Variants in DSTN observed in about 807,000 individuals in gnomAD.
DSTN encodes the protein destrin, actin depolymerizing factor, also known as destrin.
A neutral mutation model predicts 16.8 loss-of-function variants in DSTN; 10 were observed. That is an observed-to-expected ratio of 0.60 (90% CI 0.37 to 1.01). DSTN has a LOEUF of 1.01. Ranked by LOEUF, DSTN falls within the 50% of genes least tolerant of loss-of-function variation. The pLI is 0.01. For synonymous variants in DSTN, 57 were observed against 58.9 expected (o/e 0.97, Z 0.14); for missense variants, 141 against 196.7 (o/e 0.72, Z 1.69).
chr20:17,607,071 A>G lies in DSTN; in HGVS notation c.423A>G (p.Glu141=). 1.2e-6 allele frequency: 2 copies of G among 1,613,952 alleles called. No individual in the cohort carries two copies. The highest frequency in any genetic ancestry group is 1.3e-5 in the African/African-American group (1 of 75,060). The change falls in exon 4 of 4, where the codon GAA becomes GAG. Residue 141 remains glutamate (E), a synonymous_variant. Transcript: ENST00000246069. ...IKHECQANGP[E]DLNRACIAEK... is the part of the protein sequence containing the mutation. ...ATGAATGTCAAGCAAATGGACCAGA[A>G]GATCTCAATCGGGCTTGTATTGCTG...
chr20:17,574,575 CTA>C (rs2035246356), intron 1 of DSTN, among the ~76,000 whole-genome samples: 1 of 151,796 alleles, frequency 6.6e-6, no homozygotes, highest in South Asian at 2.1e-4. Context: ...AATTAAAAGT[CTA>C]TAGCTGGGCG....
chr20:17,582,164 C>T (rs1449452903), intron 1 of DSTN, among the ~76,000 whole-genome samples: 6 of 150,984 alleles, frequency 4.0e-5, no homozygotes, highest in South Asian at 2.1e-4. Context: ...CTGCAACCTC[C>T]GCCTCCTAGG....
intron 1 of DSTN, among the ~76,000 whole-genome samples, chr20:17,577,143 T>G (rs1442568711): frequency 6.6e-6 from 1 of 152,244 alleles, no homozygotes; most frequent in Non-Finnish European, 1.5e-5. Flanking sequence ...TTGGGTCCTA[T>G]TCCCAAGCTA....
chr20:17,591,688 G>A (rs2035471150), intron 1 of DSTN, among the ~76,000 whole-genome samples: 1 of 152,194 alleles, frequency 6.6e-6, no homozygotes. Context: ...GGTGATTCCT[G>A]TGCACATTAG....
intron 1 of DSTN, among the ~76,000 whole-genome samples, chr20:17,573,835 C>T (rs962208819): frequency 1.3e-5 from 2 of 150,826 alleles, no homozygotes; most frequent in African/African-American, 4.9e-5. Context: ...CCTGGCCATT[C>T]TGTAAATACT....
chr20:17,607,087 T>C lies in DSTN; in HGVS notation c.439T>C (p.Cys147Arg). 6.2e-7 allele frequency: 1 copy of C among 1,613,536 alleles called. No individual in the cohort carries two copies. Among genetic ancestry groups the C allele is most frequent in the Non-Finnish European group, 8.5e-7 (1 of 1,180,006 alleles). Residue 147 changes from cysteine (C) to arginine (R), a missense_variant, in exon 4 of 4, where the codon TGT (cysteine) becomes CGT (arginine). By Grantham distance (180) the Cys-to-Arg change is radical. Coordinates refer to ENST00000246069, the MANE Select transcript of DSTN (RefSeq NM_006870.4). The stretch of plus-strand genomic sequence containing the variant: ...TGGACCAGAAGATCTCAATCGGGCT[T>C]GTATTGCTGAAAAGTTAGGTGGATC... Reference protein sequence around the residue: ...ANGPEDLNRACIAEKLGGSLI... With the variant: ...ANGPEDLNRARIAEKLGGSLI...
intron 1 of DSTN, among the ~76,000 whole-genome samples, chr20:17,581,244 G>T (rs2035340409): frequency 1.3e-5 from 2 of 152,172 alleles, no homozygotes; most frequent in Admixed American, 6.5e-5. Context: ...GCTTTGGGAG[G>T]CCGAGGTGAG....
intron 2 of DSTN, among the ~76,000 whole-genome samples, chr20:17,603,388 A>G (rs551440757): frequency 2.6e-5 from 4 of 152,170 alleles, no homozygotes; most frequent in Non-Finnish European, 1.5e-5. Flanking sequence ...ATTTCTTTCA[A>G]TGTAGTTTTG....
chr20:17,603,036 A>T lies in DSTN; in HGVS notation c.312-1519A>T, dbSNP rs372152337. Among the ~76,000 whole-genome samples, 5 of 152,300 alleles carry T rather than the reference A, an allele frequency of 3.3e-5. No homozygotes were observed. The East Asian group carries it at 5.8e-4, about 18-fold the overall frequency. ...CTCCGCCTCAAAAAAATAAAAAATA[A>T]AAAGTACCCACCCTGTAGCTCAAAC... is the stretch of plus-strand genomic sequence containing the variant. On this transcript the variant is annotated intron_variant, in intron 2 of 3. Coordinates refer to ENST00000246069, the MANE Select transcript of DSTN (RefSeq NM_006870.4).
chr20:17,588,457 G>A (rs543214588), intron 1 of DSTN, among the ~76,000 whole-genome samples: 1 of 152,212 alleles, frequency 6.6e-6, no homozygotes, highest in Admixed American at 6.5e-5. Flanking sequence ...CCTTAACCTT[G>A]GCAAAATAAA....
At chr20:17,606,122 A>G (rs961510797) in intron 3 of DSTN, among the ~76,000 whole-genome samples, 1 of 152,026 alleles carries the variant, frequency 6.6e-6, no homozygotes, top group Non-Finnish European at 1.5e-5. Flanking sequence ...AAAAAAAAAA[A>G]GATAGTGACC....
chr20:17,575,434 C>T (rs1463684946), intron 1 of DSTN, among the ~76,000 whole-genome samples: 5 of 151,652 alleles, frequency 3.3e-5, no homozygotes, highest in Admixed American at 2.0e-4. Context: ...AACCACAGAG[C>T]ATAATAAATA....
chr20:17,574,725 CA>C (rs775060379), intron 1 of DSTN, among the ~76,000 whole-genome samples: 5,250 of 52,738 alleles, frequency 0.1, 81 homozygotes, highest in East Asian at 0.18. Flanking sequence ...GACTCAGTCT[CA>C]AAAAAAAAAA....
intron 1 of DSTN, 120 bp downstream of exon 1, chr20:17,570,331 C>T (rs2035183579): frequency 7.7e-7 from 1 of 1,294,242 alleles, no homozygotes; most frequent in Non-Finnish European, 1.0e-6. Context: ...GGACCCGGTC[C>T]GGCTGCAGTG....
intron 1 of DSTN, among the ~76,000 whole-genome samples, chr20:17,581,061 G>C (rs191193975): frequency 1.3e-5 from 2 of 152,332 alleles, no homozygotes; most frequent in Non-Finnish European, 2.9e-5. Flanking sequence ...ATTTTATTCT[G>C]ATGACACCAG....
chr20:17,570,240 C>T (rs1262417302), intron 1 of DSTN, 29 bp downstream of exon 1: 2 of 1,490,892 alleles, frequency 1.3e-6, no homozygotes, highest in African/African-American at 1.4e-5. Context: ...GAGGCGTGGG[C>T]CGAGGCGGCC....
At chr20:17,601,169 T>G in intron 2 of DSTN, 124 bp downstream of exon 2, 1 of 1,250,680 alleles carries the variant, frequency 8.0e-7, no homozygotes, top group East Asian at 2.6e-5. Context: ...TAATTTTTAT[T>G]TACAGGTTTC....
chr20:17,571,128 C>A (rs1251372750), intron 1 of DSTN, among the ~76,000 whole-genome samples: 1 of 152,336 alleles, frequency 6.6e-6, no homozygotes, highest in South Asian at 2.1e-4. Flanking sequence ...TTTACACTGT[C>A]ACTCTAATTA....
chr20:17,588,926 T>C (rs1222434765), intron 1 of DSTN, among the ~76,000 whole-genome samples: 2 of 152,134 alleles, frequency 1.3e-5, no homozygotes, highest in African/African-American at 2.4e-5. Flanking sequence ...CATTTACATA[T>C]GGTCACCTGT....
Sources: allele counts gnomAD v4.1 joint callset (sites outside exome capture counted in the v4.1 genomes callset), GRCh38; gene constraint gnomAD v4.1.1; transcripts MANE v1.5; gene names NCBI Gene and HGNC (gene_info 2026-07-23, HGNC 2026-07-21).